Variants in WDR37 observed in about 807,000 individuals in gnomAD.
The protein encoded by WDR37 is WD repeat-containing protein 37.
A neutral mutation model predicts 62.9 loss-of-function variants in WDR37; 19 were observed. That is an observed-to-expected ratio of 0.30 (90% CI 0.21 to 0.44). WDR37 has a LOEUF of 0.44. Among genes scored for constraint, WDR37 ranks in the 20% least tolerant of loss-of-function variants. The pLI, the probability that WDR37 is intolerant of heterozygous loss-of-function variation, is 1.00. For synonymous variants in WDR37, 250 were observed against 260.9 expected, an observed-to-expected ratio of 0.96 and a Z score of 0.40; for missense variants, 474 against 657.6, an observed-to-expected ratio of 0.72 and a Z score of 3.05.
At chr10:1,060,005 G>T (rs1183028380) in intron 1 of WDR37, among the ~76,000 whole-genome samples, 1 of 151,970 alleles carries the variant, frequency 6.6e-6, no homozygotes, top group Non-Finnish European at 1.5e-5. Context: ...ACGCCCAGCT[G>T]ATTTTTGTAT....
chr10:1,076,749 C>T (rs1159299049), intron 2 of WDR37, among the ~76,000 whole-genome samples: 1 of 150,088 alleles, frequency 6.7e-6, no homozygotes, highest in Non-Finnish European at 1.5e-5. Context: ...TTGAAAAGTC[C>T]CATTAAGTAT....
At position 1,105,048 on chromosome 10, in the gene WDR37, G is replaced by A. The variant is rs1834959795; in HGVS notation, c.962-78G>A. ...CAGTCTCAGAGAGACGGCTTCTTGG[G>A]TTCTTGTGCTGTTGAAAAGCGTCTC... On this transcript the variant is annotated intron_variant, in intron 10 of 13. Transcript: ENST00000263150. This position sits in a 1 kb window ranked among gnomAD's most constrained non-coding sequence, Gnocchi z 5.3. 1 of 1,559,168 alleles carries A rather than the reference G, an allele frequency of 6.4e-7. No individual in the cohort carries two copies. The highest frequency in any genetic ancestry group is 2.3e-5 in the East Asian group (1 of 44,000).
intron 8 of WDR37, among the ~76,000 whole-genome samples, chr10:1,094,380 G>C (rs1834496587): frequency 6.6e-6 from 1 of 152,212 alleles, no homozygotes; most frequent in African/African-American, 2.4e-5. Flanking sequence ...CCTTCATGCA[G>C]GTGGAGTTGT....
intron 11 of WDR37, among the ~76,000 whole-genome samples, chr10:1,118,060 G>A (rs1835461860): frequency 6.1e-5 from 1 of 16,334 alleles, no homozygotes; most frequent in Non-Finnish European, 1.4e-4. Flanking sequence ...AGCCAGCTCT[G>A]TTTGAAGTCC....
At chr10:1,095,726 A>G (rs56201968) in intron 8 of WDR37, among the ~76,000 whole-genome samples, 41,609 of 152,158 alleles carry the variant, frequency 0.27, 7,259 homozygotes, top group African/African-American at 0.49. Context: ...AGCCGCACAC[A>G]TGAGCAGTGC....
At chr10:1,078,443 A>G (rs1177136859) in intron 3 of WDR37, among the ~76,000 whole-genome samples, 1 of 152,206 alleles carries the variant, frequency 6.6e-6, no homozygotes, top group African/African-American at 2.4e-5. Flanking sequence ...TTAAAAATTT[A>G]TCAGACAGTA....
chr10:1,074,626 G>C, intron 2 of WDR37: 2 of 870,420 alleles, frequency 2.3e-6, no homozygotes, highest in Non-Finnish European at 3.3e-6. Context: ...TGTGGTGTCT[G>C]CCGCACGCGT....
At chr10:1,074,613 A>C (rs1049238731) in intron 2 of WDR37, 2 of 1,012,410 alleles carry the variant, frequency 2.0e-6, no homozygotes, top group African/African-American at 3.4e-5. Context: ...GGCGGGAGAG[A>C]GCTGTGGTGT....
chr10:1,066,202 G>A (rs1833535513), intron 1 of WDR37, among the ~76,000 whole-genome samples: 2 of 152,044 alleles, frequency 1.3e-5, no homozygotes, highest in South Asian at 2.1e-4. Flanking sequence ...TGCAACCTCC[G>A]CCTCCCGGGT....
Position 1,080,434 on chromosome 10 carries a change from C to T in WDR37, c.354C>T (p.Leu118=). Residue 118 remains leucine, a synonymous_variant, in exon 5 of 14, where the codon CTC becomes CTT. Coordinates refer to ENST00000263150, the MANE Select transcript of WDR37 (RefSeq NM_014023.4). The part of the protein sequence containing the change: ...KTKASHSTSQ[L]SQKLKTTYKA... Reference sequence around the variant, plus strand: ...CAGCCAGTCACAGCACCAGCCAGCTCTCCCAGAAACTGAAGACCACTTACA... The same window carrying T: ...CAGCCAGTCACAGCACCAGCCAGCTTTCCCAGAAACTGAAGACCACTTACA... 1 of 1,614,148 alleles carries T rather than the reference C, an allele frequency of 6.2e-7. No homozygotes were observed. The highest frequency in any genetic ancestry group is 8.5e-7 in the Non-Finnish European group (1 of 1,180,034).
intron 4 of WDR37, 64 bp from the exon 5 acceptor site, chr10:1,080,348 A>G (rs372886870): frequency 5.4e-5 from 87 of 1,605,732 alleles, no homozygotes; most frequent in Non-Finnish European, 7.3e-5. Flanking sequence ...CACAAGACCC[A>G]TTTGTGAGGC....
Position 1,129,888 on chromosome 10 carries a change from C to T in WDR37, c.*544C>T, listed in dbSNP as rs1257568055. On this transcript the variant is annotated 3_prime_UTR_variant, in exon 14 of 14. Transcript: ENST00000263150. ...TTCTGTTACAGTTCTGCAAAGGTAACCTGGAGTTTAGAAGTTAAAAAAAAG... is the reference window on the plus strand; with the variant it reads ...TTCTGTTACAGTTCTGCAAAGGTAATCTGGAGTTTAGAAGTTAAAAAAAAG... 2 of 152,038 alleles carry T rather than the reference C, an allele frequency of 1.3e-5. No individual in the cohort carries two copies. Among genetic ancestry groups the T allele is most frequent in the African/African-American group, 4.8e-5 (2 of 41,324 alleles). 9.4% of individuals were successfully genotyped at this position (152,038 alleles called of 1,614,324 possible). A position where few individuals can be genotyped will look rare whatever the true frequency, so the allele number is the denominator to read the frequency against.
At chr10:1,095,674 C>T (rs769266822) in intron 8 of WDR37, among the ~76,000 whole-genome samples, 22 of 152,162 alleles carry the variant, frequency 1.4e-4, no homozygotes, top group Non-Finnish European at 2.4e-4. Context: ...TCAGTCAAAG[C>T]GTTTCCTCGC....
At chr10:1,079,987 T>A (rs745962058) in intron 3 of WDR37, 24 bp from the exon 4 acceptor site, 1 of 1,609,506 alleles carries the variant, frequency 6.2e-7, no homozygotes, top group East Asian at 2.2e-5. Flanking sequence ...TACTTTAGAT[T>A]TTTGAAAACT....
intron 7 of WDR37, among the ~76,000 whole-genome samples, chr10:1,087,079 G>A (rs143485082): frequency 6.6e-6 from 1 of 152,380 alleles, no homozygotes; most frequent in Non-Finnish European, 1.5e-5. Flanking sequence ...ACAGGGCCCT[G>A]ATGAGCTGTG....
chr10:1,094,831 G>C (rs1834515810), intron 8 of WDR37, among the ~76,000 whole-genome samples: 1 of 152,034 alleles, frequency 6.6e-6, no homozygotes, highest in Non-Finnish European at 1.5e-5. Context: ...TGGACATAGA[G>C]AGGGGAGAGT....
Position 1,103,988 on chromosome 10 carries a change from A to T in WDR37, c.961+152A>T. The T allele has an allele frequency of 1.4e-6, 1 of 740,020 alleles. No homozygotes were observed. Among genetic ancestry groups the T allele is most frequent in the Non-Finnish European group, 2.2e-6 (1 of 460,692 alleles). The allele number at this position is 740,020 out of a possible 1,614,324, so 45.8% of individuals were successfully genotyped here. A position where few individuals can be genotyped will look rare whatever the true frequency, so the allele number is the denominator to read the frequency against. On this transcript the variant is annotated intron_variant, in intron 10 of 13. Coordinates refer to ENST00000263150, the MANE Select transcript of WDR37 (RefSeq NM_014023.4). This position sits in a 1 kb window ranked among gnomAD's most constrained non-coding sequence, Gnocchi z 6.3. The stretch of plus-strand genomic sequence containing the variant: ...TAATTTTTGGAGATTCTTTCTATTA[A>T]TAATAGAACTATTGGTAGCTAAATT...
chr10:1,126,664 G>T lies in WDR37; in HGVS notation c.1353+1640G>T, dbSNP rs974393487. 4.5e-4 allele frequency among the ~76,000 whole-genome samples: 69 copies of T among 152,322 alleles called. 1 individual carries two copies. Among genetic ancestry groups the T allele is most frequent in the East Asian group, 3.1e-3 (16 of 5,174 alleles). On this transcript the variant is annotated intron_variant, in intron 13 of 13. Coordinates refer to ENST00000263150, the MANE Select transcript of WDR37 (RefSeq NM_014023.4). ...TGTGGACACCAGCTCATGGCTCGTGGGCCGCAGCTGCTCTGCACGGGGTGT... is the reference window on the plus strand; with the variant it reads ...TGTGGACACCAGCTCATGGCTCGTGTGCCGCAGCTGCTCTGCACGGGGTGT...
At chr10:1,082,298 G>A (rs60503326) in intron 5 of WDR37, among the ~76,000 whole-genome samples, 14,030 of 152,170 alleles carry the variant, frequency 0.092, 1,306 homozygotes, top group African/African-American at 0.25. Context: ...GTGGGATAGC[G>A]GGAACACAAA....
Sources: allele counts gnomAD v4.1 joint callset (sites outside exome capture counted in the v4.1 genomes callset), GRCh38; gene constraint gnomAD v4.1.1; non-coding constraint Gnocchi (gnomAD v3.1); transcripts MANE v1.5; gene names NCBI Gene and HGNC (gene_info 2026-07-23, HGNC 2026-07-21).